Variants in PTPRN2 observed in about 807,000 individuals in gnomAD.
PTPRN2 encodes the protein receptor-type tyrosine-protein phosphatase N2.
Under a neutral mutation model 118.8 loss-of-function variants are expected in PTPRN2, and 74 were observed. The observed-to-expected ratio is 0.62, with a 90% confidence interval of 0.52 to 0.76. The LOEUF (loss-of-function observed/expected upper bound fraction) is 0.76. Ranked by LOEUF, PTPRN2 falls within the 30% of genes least tolerant of loss-of-function variation. PTPRN2 has a pLI of 0.00. For missense variants in PTPRN2, 1,481 were observed against 1,394.4 expected, an observed-to-expected ratio of 1.06 and a Z score of -0.99; for synonymous variants, 641 against 608.0, an observed-to-expected ratio of 1.05 and a Z score of -0.80.
intron 12 of PTPRN2, among the ~76,000 whole-genome samples, chr7:157,791,625 C>T (rs1804508869): frequency 6.8e-6 from 1 of 147,550 alleles, no homozygotes; most frequent in Non-Finnish European, 1.5e-5. Flanking sequence ...AGCGGAGGGG[C>T]TCTGGGGCTT....
At position 157,771,467 on chromosome 7, in the gene PTPRN2, C is replaced by T. The variant is rs185494785; in HGVS notation, c.1789-88530G>A. ...GGCTTGCAGCAGCTGACACTGACACCTCTTTGCCAACTCAATTTAACAGCC... is the reference window on the plus strand; with the variant it reads ...GGCTTGCAGCAGCTGACACTGACACTTCTTTGCCAACTCAATTTAACAGCC... On this transcript the variant is annotated intron_variant, in intron 12 of 22. Coordinates refer to ENST00000389418, the MANE Select transcript of PTPRN2 (RefSeq NM_002847.5). 3.9e-4 allele frequency among the ~76,000 whole-genome samples: 59 copies of T among 152,358 alleles called. 1 individual carries two copies. The highest frequency in any genetic ancestry group is 1.3e-3 in the African/African-American group (53 of 41,594).
chr7:158,546,256 C>T lies in PTPRN2; in HGVS notation c.112+41302G>A, dbSNP rs1213951157. On this transcript the variant is annotated intron_variant, in intron 1 of 22. Coordinates refer to ENST00000389418, the MANE Select transcript of PTPRN2 (RefSeq NM_002847.5). This position sits in a 1 kb window ranked among gnomAD's most constrained non-coding sequence, Gnocchi z 5.0. Reference sequence around the variant, plus strand: ...AGCATCACACTCCTGGTGACAGGGACAGAGACGGCTCCTTCCACTGGATGT... The same window carrying T: ...AGCATCACACTCCTGGTGACAGGGATAGAGACGGCTCCTTCCACTGGATGT... Among the ~76,000 whole-genome samples the T allele has an allele frequency of 6.6e-6, 1 of 152,212 alleles. No individual in the cohort carries two copies. The highest frequency in any genetic ancestry group is 6.5e-5 in the Admixed American group (1 of 15,290).
intron 3 of PTPRN2, among the ~76,000 whole-genome samples, chr7:158,245,359 G>A (rs955150682): frequency 1.3e-4 from 20 of 152,268 alleles, no homozygotes; most frequent in African/African-American, 4.8e-4. Context: ...GACCCACGAT[G>A]GGAAAAGTCA....
intron 2 of PTPRN2, among the ~76,000 whole-genome samples, chr7:158,333,523 G>A (rs1451114165): frequency 1.3e-5 from 2 of 148,652 alleles, no homozygotes; most frequent in African/African-American, 5.2e-5. Flanking sequence ...CTCACCATAA[G>A]ACCTGACACT....
At chr7:157,559,232 T>G (rs1256374854) in intron 21 of PTPRN2, among the ~76,000 whole-genome samples, 1 of 152,148 alleles carries the variant, frequency 6.6e-6, no homozygotes, top group Non-Finnish European at 1.5e-5. Flanking sequence ...TGCCTGGACT[T>G]CAGGCGCTAG....
At position 158,236,919 on chromosome 7, in the gene PTPRN2, T is replaced by C. The variant is rs1795586510; in HGVS notation, c.278-31646A>G. 3.6e-5 allele frequency among the ~76,000 whole-genome samples: 2 copies of C among 56,316 alleles called. 1 individual carries two copies. The highest frequency in any genetic ancestry group is 6.3e-5 in the Non-Finnish European group (2 of 31,830). The allele number at this position is 56,316 out of a possible 152,430, so 36.9% of individuals were successfully genotyped here. On this transcript the variant is annotated intron_variant, in intron 3 of 22. Coordinates refer to ENST00000389418, the MANE Select transcript of PTPRN2 (RefSeq NM_002847.5). ...TTGAGATTCTGTTAATCTATGACCT[T>C]ACCCCCAACCCCGTGCTCTGTGAAA...
At chr7:158,105,435 C>T (rs1815605746) in intron 10 of PTPRN2, among the ~76,000 whole-genome samples, 1 of 151,474 alleles carries the variant, frequency 6.6e-6, no homozygotes. Context: ...ATCCCAACTC[C>T]ACTGAGCTCC....
In PTPRN2 at chr7:157,850,394, C is replaced by T. The variant is rs111314516; in HGVS notation, c.1788+48279G>A. 4.5e-3 allele frequency among the ~76,000 whole-genome samples: 688 copies of T among 151,768 alleles called. 8 individuals are homozygous for T. The highest frequency in any genetic ancestry group is 0.016 in the African/African-American group (677 of 41,340). On this transcript the variant is annotated intron_variant, in intron 12 of 22. Coordinates refer to ENST00000389418, the MANE Select transcript of PTPRN2 (RefSeq NM_002847.5). ...TTTCCATTTCCGACGTGGGGTGCCT[C>T]AGGCTCGTGTAAGGGATCCCAGGTA... is the stretch of plus-strand genomic sequence containing the variant.
At chr7:158,175,749 G>T (rs752433457) in intron 5 of PTPRN2, among the ~76,000 whole-genome samples, 1 of 152,212 alleles carries the variant, frequency 6.6e-6, no homozygotes. Context: ...AATCTATGAG[G>T]TTGAAGAGGT....
intron 1 of PTPRN2, among the ~76,000 whole-genome samples, chr7:158,523,240 G>C (rs1824351361): frequency 1.3e-5 from 2 of 152,180 alleles, no homozygotes; most frequent in African/African-American, 2.4e-5. Flanking sequence ...CGGGGGTGGT[G>C]GGTGAGCCTC....
intron 17 of PTPRN2, among the ~76,000 whole-genome samples, chr7:157,582,211 C>T (rs917611241): frequency 6.6e-6 from 1 of 152,216 alleles, no homozygotes; most frequent in South Asian, 2.1e-4. Flanking sequence ...ATGGCCACCC[C>T]GCCTACGCTT....
In PTPRN2 at chr7:158,522,435, A is replaced by G. The variant is rs965642759; in HGVS notation, c.113-32650T>C. On this transcript the variant is annotated intron_variant, in intron 1 of 22. Transcript: ENST00000389418. ...GTGCTGGCTCAGGGGGAAGGTCCAC[A>G]TCGGAATGGTAGACTGTTTAGGAGA... Among the ~76,000 whole-genome samples, 119 of 148,366 alleles carry G rather than the reference A, an allele frequency of 8.0e-4. 4 individuals are homozygous for G. Among genetic ancestry groups the G allele is most frequent in the African/African-American group, 2.3e-3 (89 of 39,520 alleles).
chr7:157,553,089 C>A (rs920673780), intron 21 of PTPRN2, among the ~76,000 whole-genome samples: 1 of 152,154 alleles, frequency 6.6e-6, no homozygotes, highest in Non-Finnish European at 1.5e-5. Context: ...GAGTCATGAA[C>A]CTCAGGAGAA....
chr7:157,996,845 T>C (rs1005408876), intron 11 of PTPRN2, among the ~76,000 whole-genome samples: 3 of 152,186 alleles, frequency 2.0e-5, no homozygotes, highest in African/African-American at 7.2e-5. Context: ...CAGGGGACCA[T>C]GTATGACCTG....
chr7:157,676,534 G>A lies in PTPRN2; in HGVS notation c.2001+6191C>T, dbSNP rs907589089. ...CTCCCACAGTGCCTCACACTACGAG[G>A]GAAGATGGTGGAGGAGCTGTCCAGA... On this transcript the variant is annotated intron_variant, in intron 13 of 22. Transcript: ENST00000389418. This position sits in a 1 kb window ranked among gnomAD's most constrained non-coding sequence, Gnocchi z 5.6. 6.6e-6 allele frequency among the ~76,000 whole-genome samples: 1 copy of A among 152,196 alleles called. No homozygotes were observed. Among genetic ancestry groups the A allele is most frequent in the Admixed American group, 6.5e-5 (1 of 15,282 alleles).
At chr7:157,571,542 C>A (rs145779966) in intron 19 of PTPRN2, 49 bp from the exon 20 acceptor site, 1 of 1,410,480 alleles carries the variant, frequency 7.1e-7, no homozygotes, top group Non-Finnish European at 9.8e-7. Flanking sequence ...TAAGACTTTG[C>A]GTTATCCAAA....
chr7:158,330,075 A>G, intron 2 of PTPRN2, among the ~76,000 whole-genome samples: 1 of 111,342 alleles, frequency 9.0e-6, no homozygotes, highest in African/African-American at 3.3e-5. Context: ...TCACCATAAG[A>G]GCTGACACCT....
chr7:158,523,665 G>A (rs1305101974), intron 1 of PTPRN2, among the ~76,000 whole-genome samples: 19 of 101,964 alleles, frequency 1.9e-4, no homozygotes, highest in Non-Finnish European at 2.9e-4. Flanking sequence ...GAGTGGAGTC[G>A]TCTGCCCTGG....
chr7:158,278,216 G>C (rs965170307), intron 3 of PTPRN2, among the ~76,000 whole-genome samples: 1 of 152,170 alleles, frequency 6.6e-6, no homozygotes, highest in Non-Finnish European at 1.5e-5. Context: ...CCAGTGGACA[G>C]GGAAATGGGA....
Sources: gnomAD v4.1 joint callset for allele counts (sites outside exome capture counted in the v4.1 genomes callset) on GRCh38, gnomAD v4.1.1 for gene constraint, Gnocchi (gnomAD v3.1) non-coding constraint, MANE v1.5 for transcripts, NCBI Gene and HGNC (gene_info 2026-07-23, HGNC 2026-07-21) for gene names.